RNLS: variants seen among roughly 807,000 people sequenced by gnomAD.
RNLS encodes renalase, FAD dependent amine oxidase.
In RNLS, 39 loss-of-function variants were observed where a neutral mutation model predicts 39.8. The observed-to-expected ratio is 0.98, with a 90% CI of 0.76 to 1.28. The LOEUF (loss-of-function observed/expected upper bound fraction) is 1.28. Among genes scored for constraint, RNLS ranks in the 50% most tolerant of loss-of-function variants. RNLS has a pLI of 0.00. For missense variants in RNLS, 410 were observed against 413.3 expected, an observed-to-expected ratio of 0.99 and a Z score of 0.07; for synonymous variants, 147 against 150.7, an observed-to-expected ratio of 0.98 and a Z score of 0.18.
chr10:88,183,747 T>G, the RNLS span, among the ~76,000 whole-genome samples: 1 of 152,156 alleles, frequency 6.6e-6, no homozygotes, highest in Admixed American at 6.6e-5. Flanking sequence ...TATCTAATGA[T>G]AACTAGTTGT....
chr10:88,213,840 A>C, the RNLS span, among the ~76,000 whole-genome samples: 1 of 152,180 alleles, frequency 6.6e-6, no homozygotes, highest in South Asian at 2.1e-4. Flanking sequence ...CCTAGTTTAA[A>C]TTTAGGTATT....
chr10:88,364,685 T>G (rs993149933), intron 4 of RNLS, among the ~76,000 whole-genome samples: 1 of 152,184 alleles, frequency 6.6e-6, no homozygotes, highest in Admixed American at 6.6e-5. Context: ...CATATTTCCC[T>G]TTAACTATAA....
chr10:88,223,289 G>A, the RNLS span, among the ~76,000 whole-genome samples: 1 of 152,174 alleles, frequency 6.6e-6, no homozygotes, highest in African/African-American at 2.4e-5. Flanking sequence ...GTTGATAAGG[G>A]ACTTTTATTT....
chr10:88,557,954 C>G (rs1848961705), intron 4 of RNLS, among the ~76,000 whole-genome samples: 1 of 152,042 alleles, frequency 6.6e-6, no homozygotes, highest in Non-Finnish European at 1.5e-5. Context: ...TCGAAGAACT[C>G]TAAATGAAAA....
chr10:88,319,621 T>A (rs1006101138), intron 5 of RNLS, among the ~76,000 whole-genome samples: 1 of 151,080 alleles, frequency 6.6e-6, no homozygotes, highest in Admixed American at 6.6e-5. Context: ...AATGAAAAAA[T>A]TCATGGAAAG....
At chr10:88,347,883 A>T (rs1287796010) in intron 5 of RNLS, among the ~76,000 whole-genome samples, 2 of 152,100 alleles carry the variant, frequency 1.3e-5, no homozygotes, top group Non-Finnish European at 2.9e-5. Context: ...CCCATTTTCA[A>T]ACTAGCATCT....
At chr10:88,274,931 ACC>A in exon 7 of RNLS, 1 of 1,580,916 alleles carries the variant, frequency 6.3e-7, no homozygotes, top group Non-Finnish European at 8.7e-7. Context: ...ATCAAATAAA[ACC>A]TGACTGTGTG....
At chr10:88,341,867 A>G (rs1204730623) in intron 5 of RNLS, among the ~76,000 whole-genome samples, 1 of 152,164 alleles carries the variant, frequency 6.6e-6, no homozygotes, top group Non-Finnish European at 1.5e-5. Flanking sequence ...GTATTTTCAT[A>G]TAACCAATTT....
rs138406212 is a variant in RNLS, at chr10:88,469,474, T to C, written c.526+103429A>G. On this transcript the variant is annotated intron_variant, in intron 4 of 6. Coordinates refer to ENST00000331772, the MANE Select transcript of RNLS (RefSeq NM_001031709.3). ...CTTGCTGCCAGTGCCCAGGTTCCTA[T>C]GACGAGGGAAGCAGCAGCATTCTAT... Among the ~76,000 whole-genome samples the C allele has an allele frequency of 4.7e-3, 714 of 152,222 alleles. 5 individuals carry two copies. The highest frequency in any genetic ancestry group is 0.016 in the African/African-American group (649 of 41,534).
At chr10:88,397,627 C>T (rs918693590) in intron 4 of RNLS, among the ~76,000 whole-genome samples, 1 of 151,794 alleles carries the variant, frequency 6.6e-6, no homozygotes, top group Non-Finnish European at 1.5e-5. Context: ...TATTAGAATA[C>T]AGATAAACAA....
chr10:88,569,318 C>G (rs1849695813), intron 4 of RNLS, among the ~76,000 whole-genome samples: 1 of 69,156 alleles, frequency 1.4e-5, no homozygotes, highest in Non-Finnish European at 2.6e-5. Flanking sequence ...ACCAAGATGT[C>G]ACTTTTTTTT....
chr10:88,262,649 C>A, the RNLS span, among the ~76,000 whole-genome samples: 1 of 152,140 alleles, frequency 6.6e-6, no homozygotes, highest in Non-Finnish European at 1.5e-5. Context: ...TAGGCACTAC[C>A]AAGCTTACTC....
intron 4 of RNLS, among the ~76,000 whole-genome samples, chr10:88,511,318 C>T (rs1564860078): frequency 6.6e-6 from 1 of 152,042 alleles, no homozygotes; most frequent in African/African-American, 2.4e-5. Flanking sequence ...GAGAAGAGCC[C>T]ATGATAATGG....
At chr10:88,390,032 G>T (rs1430206070) in intron 4 of RNLS, among the ~76,000 whole-genome samples, 1 of 152,204 alleles carries the variant, frequency 6.6e-6, no homozygotes, top group Non-Finnish European at 1.5e-5. Context: ...ACACAAGGGG[G>T]AAATACAATT....
chr10:88,522,145 G>T (rs2134200787), intron 4 of RNLS, among the ~76,000 whole-genome samples: 1 of 152,158 alleles, frequency 6.6e-6, no homozygotes, highest in South Asian at 2.1e-4. Flanking sequence ...CTTGCTTTGG[G>T]CTGAAATAAG....
chr10:88,574,792 C>T (rs1850063103), intron 3 of RNLS, among the ~76,000 whole-genome samples: 1 of 152,064 alleles, frequency 6.6e-6, no homozygotes, highest in South Asian at 2.1e-4. Context: ...AAGGCCCCTG[C>T]TTGGGGAAGG....
chr10:88,439,896 C>CTGAA (rs1841616719), intron 4 of RNLS, among the ~76,000 whole-genome samples: 1 of 152,204 alleles, frequency 6.6e-6, no homozygotes, highest in South Asian at 2.1e-4. Context: ...GGGCAGATGT[C>CTGAA]ATTTCCTGTC....
At chr10:88,293,239 A>G (rs1307712905) in intron 6 of RNLS, among the ~76,000 whole-genome samples, 1 of 152,196 alleles carries the variant, frequency 6.6e-6, no homozygotes, top group Non-Finnish European at 1.5e-5. Context: ...TATGTGAGGT[A>G]TTGACCATAC....
chr10:88,212,092 C>T, the RNLS span, among the ~76,000 whole-genome samples: 1 of 152,132 alleles, frequency 6.6e-6, no homozygotes, highest in South Asian at 2.1e-4. Context: ...CAAATTCTAC[C>T]CACATTGATG....
Sources: allele counts gnomAD v4.1 joint callset (sites outside exome capture counted in the v4.1 genomes callset), GRCh38; gene constraint gnomAD v4.1.1; transcripts MANE v1.5; gene names NCBI Gene and HGNC (gene_info 2026-07-23, HGNC 2026-07-21).